The following FSIP2 variants were observed in gnomAD, a reference collection of about 807,000 sequenced individuals.
FSIP2 encodes fibrous sheath-interacting protein 2.
Under a neutral mutation model 510.5 loss-of-function variants are expected in FSIP2, and 367 were observed. That is an observed-to-expected ratio of 0.72 (90% CI 0.66 to 0.78). The LOEUF (loss-of-function observed/expected upper bound fraction) is 0.78. Among genes scored for constraint, FSIP2 ranks in the 30% least tolerant of loss-of-function variants. FSIP2 has a pLI of 0.00. For missense variants in FSIP2, 7,594 were observed against 7,901.7 expected (o/e 0.96, Z 1.48); for synonymous variants, 2,601 against 2,732.2 (o/e 0.95, Z 1.50).
In FSIP2 at chr2:185,816,885, G is replaced by A. The variant is rs183086529; in HGVS notation, c.20426+1414G>A. 7.7e-5 allele frequency among the ~76,000 whole-genome samples: 11 copies of A among 142,648 alleles called. No individual in the cohort carries two copies. The East Asian group carries it at 1.9e-3, about 24-fold the overall frequency. The allele number at this position is 142,648 out of a possible 152,430, so 93.6% of individuals were successfully genotyped here. A position where few individuals can be genotyped will look rare whatever the true frequency, so the allele number is the denominator to read the frequency against. ...AGAGAGAGAGAGAGAGAGAGAAGACGAAAGAAAGAGAAAGAAAAGAGAGAG... is the reference window on the plus strand; with the variant it reads ...AGAGAGAGAGAGAGAGAGAGAAGACAAAAGAAAGAGAAAGAAAAGAGAGAG... On this transcript the variant is annotated intron_variant, in intron 19 of 22. Transcript: ENST00000424728.
chr2:185,815,883 A>G (rs1693818425), intron 19 of FSIP2, among the ~76,000 whole-genome samples: 1 of 152,066 alleles, frequency 6.6e-6, no homozygotes, highest in Non-Finnish European at 1.5e-5. Context: ...TGAGAAAGAA[A>G]TATAAGTTTT....
rs10547921 is a variant in FSIP2, at chr2:185,760,943, TAAA to T, written c.1079-33_1079-31del. 3.9e-3 allele frequency: 2,397 copies of T among 620,260 alleles called. 25 individuals are homozygous for T. The highest frequency in any genetic ancestry group is 0.03 in the African/African-American group (1,549 of 50,844). The allele number at this position is 620,260 out of a possible 1,614,324, so 38.4% of individuals were successfully genotyped here. A position where few individuals can be genotyped will look rare whatever the true frequency, so the allele number is the denominator to read the frequency against. On this transcript the variant is annotated intron_variant, in intron 9 of 22. Transcript: ENST00000424728. ...TTTGATTGTACTTTCCTAAAGCTGT[TAAA>T]AAAAAAAAAAACTATAGAGTTTCTC...
chr2:185,743,372 C>A, intron 3 of FSIP2, 78 bp downstream of exon 3: 1 of 875,136 alleles, frequency 1.1e-6, no homozygotes, highest in Non-Finnish European at 1.6e-6. Flanking sequence ...GTACCTCACT[C>A]GGGGGGCCTG....
Position 185,807,414 on chromosome 2 carries a change from T to G in FSIP2, c.18108T>G (p.Pro6036=), listed in dbSNP as rs571359393. The G allele has an allele frequency of 8.7e-6, 14 of 1,609,788 alleles. No individual in the cohort carries two copies. Among genetic ancestry groups the G allele is most frequent in the Non-Finnish European group, 1.0e-5 (12 of 1,178,764 alleles). ...TATCCAGCACAAAAACAAAAGAACC[T>G]GAGGACAATTTGTCCACAGAACTGA... ...STISSTKTKE[P]EDNLSTELNF... Residue 6036 remains proline, a synonymous_variant, in exon 17 of 23, where the codon CCT becomes CCG. Coordinates refer to ENST00000424728, the MANE Select transcript of FSIP2 (RefSeq NM_173651.4).
intron 5 of FSIP2, among the ~76,000 whole-genome samples, chr2:185,746,304 A>G (rs1414331100): frequency 6.6e-6 from 1 of 150,854 alleles, no homozygotes; most frequent in East Asian, 1.9e-4. Context: ...TTTTTTCCAC[A>G]TTTGAAGTTA....
Position 185,786,233 on chromosome 2 carries a change from G to C in FSIP2, c.1470-19G>C, listed in dbSNP as rs1335988438. 6.7e-7 allele frequency: 1 copy of C among 1,501,416 alleles called. No individual in the cohort carries two copies. The highest frequency in any genetic ancestry group is 8.9e-7 in the Non-Finnish European group (1 of 1,122,048). 93.0% of individuals were successfully genotyped at this position (1,501,416 alleles called of 1,614,324 possible). On this transcript the variant is annotated intron_variant, in intron 14 of 22. Transcript: ENST00000424728. Reference sequence around the variant, plus strand: ...TTTTGACTCTATGTAATAACTAAATGATCAACCTTTCTTTACAGGCAACAG... The same window carrying C: ...TTTTGACTCTATGTAATAACTAAATCATCAACCTTTCTTTACAGGCAACAG...
chr2:185,800,196 A>AAAC lies in FSIP2; in HGVS notation c.10893_10895dup (p.Asn3631dup). The AAAC allele has an allele frequency of 6.5e-7, 1 of 1,532,554 alleles. No homozygotes were observed. Among genetic ancestry groups the AAAC allele is most frequent in the Non-Finnish European group, 8.7e-7 (1 of 1,144,984 alleles). 94.9% of individuals were successfully genotyped at this position (1,532,554 alleles called of 1,614,324 possible). On this transcript the variant is annotated inframe_insertion, in exon 17 of 23. Coordinates refer to ENST00000424728, the MANE Select transcript of FSIP2 (RefSeq NM_173651.4). ...ATTATCACTTTGAAAGCAATGTAAG[A>AAAC]AACAAATCATTTTCTATGCATAGAA...
chr2:185,776,384 C>T (rs553083215), intron 13 of FSIP2, among the ~76,000 whole-genome samples: 1 of 152,242 alleles, frequency 6.6e-6, no homozygotes, highest in South Asian at 2.1e-4. Context: ...AGTTGTCCTG[C>T]TTTTCATTGC....
chr2:185,786,409 C>A, intron 15 of FSIP2, 121 bp downstream of exon 15: 1 of 641,468 alleles, frequency 1.6e-6, no homozygotes, highest in Non-Finnish European at 2.6e-6. Flanking sequence ...GTTAGGCTTC[C>A]TTTTTGCCCC....
Position 185,801,886 on chromosome 2 carries a change from A to C in FSIP2, c.12580A>C (p.Ile4194Leu). 1 of 1,493,902 alleles carries C rather than the reference A, an allele frequency of 6.7e-7. No homozygotes were observed. The highest frequency in any genetic ancestry group is 1.3e-5 in the South Asian group (1 of 79,340). The allele number at this position is 1,493,902 out of a possible 1,614,324, so 92.5% of individuals were successfully genotyped here. Residue 4194 changes from isoleucine (I) to leucine (L), a missense_variant, in exon 17 of 23, where the codon ATC becomes CTC. By Grantham distance (5) the Ile-to-Leu change is conservative. Transcript: ENST00000424728. ...KVMSAISKHK[I>L]WFTIYDNQYL... ...TATGTCAGCCATTTCAAAACATAAA[A>C]TCTGGTTCACTATATATGATAATCA...
In FSIP2 at chr2:185,745,367, G is replaced by T. The variant is rs561257101; in HGVS notation, c.478-62G>T. On this transcript the variant is annotated intron_variant, in intron 4 of 22. Coordinates refer to ENST00000424728, the MANE Select transcript of FSIP2 (RefSeq NM_173651.4). The stretch of plus-strand genomic sequence containing the variant: ...TTTATAAAATATATAAATTTAAATG[G>T]TTTTATTTCTGGGAAATGTAAAAAG... 7.1e-6 allele frequency: 7 copies of T among 988,410 alleles called. No homozygotes were observed. In the South Asian group the frequency reaches 1.1e-4, roughly 16 times the overall value. 61.2% of individuals were successfully genotyped at this position (988,410 alleles called of 1,614,324 possible).
chr2:185,798,415 A>C (rs1693350359), intron 16 of FSIP2, among the ~76,000 whole-genome samples: 1 of 151,910 alleles, frequency 6.6e-6, no homozygotes, highest in African/African-American at 2.4e-5. Context: ...TCATGTGTAT[A>C]TATTAGGTGA....
intron 19 of FSIP2, among the ~76,000 whole-genome samples, chr2:185,816,280 C>A (rs941826460): frequency 6.6e-6 from 1 of 151,342 alleles, no homozygotes; most frequent in East Asian, 2.0e-4. Flanking sequence ...GTTTTTGGCC[C>A]ACCATTGTCT....
At position 185,818,690 on chromosome 2, in the gene FSIP2, T is replaced by A. The variant is rs867347068; in HGVS notation, c.20426+3219T>A. Among the ~76,000 whole-genome samples the A allele has an allele frequency of 9.2e-5, 14 of 151,748 alleles. 1 individual carries two copies. The highest frequency in any genetic ancestry group is 4.6e-4 in the Admixed American group (7 of 15,200). On this transcript the variant is annotated intron_variant, in intron 19 of 22. Coordinates refer to ENST00000424728, the MANE Select transcript of FSIP2 (RefSeq NM_173651.4). ...TTTAAAGGACTGAAAGAAAAACAAATACTGTCAAACAAGAATTCTACATCC... is the reference window on the plus strand; with the variant it reads ...TTTAAAGGACTGAAAGAAAAACAAAAACTGTCAAACAAGAATTCTACATCC...
rs748444473 is a variant in FSIP2, at chr2:185,824,464, T to G, written c.20457T>G (p.Ser6819Arg). 1.3e-6 allele frequency: 2 copies of G among 1,587,662 alleles called. No individual in the cohort carries two copies. The highest frequency in any genetic ancestry group is 1.7e-6 in the Non-Finnish European group (2 of 1,163,962). ...CTGAAGATTGTCACTCAGACCCAAGTGCTAAAATATTAGAAGGTTGGACTC... is the reference window on the plus strand; with the variant it reads ...CTGAAGATTGTCACTCAGACCCAAGGGCTAAAATATTAGAAGGTTGGACTC... ...GEAEDCHSDP[S>R]AKILEESSQE... is the part of the protein sequence containing the mutation. Residue 6819 changes from serine to arginine, a missense_variant, in exon 20 of 23, where the codon AGT (serine) becomes AGG (arginine). Transcript: ENST00000424728.
rs1164408968 is a variant in FSIP2 at position 185,806,774 on chromosome 2, A to G, written c.17468A>G (p.Lys5823Arg). The G allele has an allele frequency of 2.5e-6, 4 of 1,612,026 alleles. No individual in the cohort carries two copies. Among genetic ancestry groups the G allele is most frequent in the Non-Finnish European group, 3.4e-6 (4 of 1,178,754 alleles). Residue 5823 changes from lysine to arginine, a missense_variant, in exon 17 of 23, where the codon AAA (lysine) becomes AGA (arginine). Lys to Arg is a conservative substitution (Grantham distance 26). Transcript: ENST00000424728. The stretch of plus-strand genomic sequence containing the variant: ...GTTAGTGATAAGCAAAATCAAGCCA[A>G]ACTCTATGACACTGCTATGAAACTC... ...QNVSDKQNQA[K>R]LYDTAMKLIN... is the part of the protein sequence containing the mutation.
At position 185,793,313 on chromosome 2, in the gene FSIP2, T is replaced by A; in HGVS notation, c.6177T>A (p.Ser2059Arg). 6.5e-7 allele frequency: 1 copy of A among 1,534,240 alleles called. No homozygotes were observed. Among genetic ancestry groups the A allele is most frequent in the South Asian group, 1.2e-5 (1 of 84,020 alleles). ...ISRKGKCDKN[S>R]SDKEIDLDQQ... ...GTAAAGGCAAATGTGACAAAAACAGTTCTGACAAAGAGATCGATTTAGATC... is the reference window on the plus strand; with the variant it reads ...GTAAAGGCAAATGTGACAAAAACAGATCTGACAAAGAGATCGATTTAGATC... The change falls in exon 16 of 23, where the codon AGT (serine) becomes AGA (arginine). Residue 2059 changes from serine (S) to arginine (R), a missense_variant. Transcript: ENST00000424728.
intron 17 of FSIP2, among the ~76,000 whole-genome samples, chr2:185,810,448 T>A (rs912617813): frequency 6.6e-6 from 1 of 151,710 alleles, no homozygotes; most frequent in African/African-American, 2.4e-5. Flanking sequence ...TTGCTTTCAA[T>A]CATGATTGGA....
chr2:185,747,092 AT>A (rs1291793504), intron 6 of FSIP2, among the ~76,000 whole-genome samples: 1 of 152,080 alleles, frequency 6.6e-6, no homozygotes, highest in Non-Finnish European at 1.5e-5. Context: ...TGGAGACAAA[AT>A]TTTTTTGAAA....
Sources: allele counts gnomAD v4.1 joint callset (sites outside exome capture counted in the v4.1 genomes callset), GRCh38; gene constraint gnomAD v4.1.1; transcripts MANE v1.5; gene names NCBI Gene and HGNC (gene_info 2026-07-23, HGNC 2026-07-21).